The following L3MBTL4 variants were observed in gnomAD, a reference collection of about 807,000 sequenced individuals.
L3MBTL4 encodes the protein lethal(3)malignant brain tumor-like protein 4.
A neutral mutation model predicts 84.5 loss-of-function variants in L3MBTL4; 70 were observed. The observed-to-expected ratio is 0.83, with a 90% confidence interval of 0.68 to 1.01. The LOEUF is 1.01. Ranked by LOEUF, L3MBTL4 falls within the 50% of genes least tolerant of loss-of-function variation. The pLI is 0.00. For synonymous variants in L3MBTL4, 274 were observed against 259.8 expected (o/e 1.05, Z -0.52); for missense variants, 715 against 754.8 (o/e 0.95, Z 0.62).
chr18:6,370,790 C>A (rs771012460), intron 1 of L3MBTL4, among the ~76,000 whole-genome samples: 7 of 152,162 alleles, frequency 4.6e-5, no homozygotes, highest in Non-Finnish European at 1.0e-4. Context: ...GCACTGCCCC[C>A]ACCAAGCAAG....
At chr18:6,348,614 C>A (rs190727724) in intron 1 of L3MBTL4, among the ~76,000 whole-genome samples, 1 of 152,056 alleles carries the variant, frequency 6.6e-6, no homozygotes, top group African/African-American at 2.4e-5. Flanking sequence ...GAGAAAAAAA[C>A]AAAACTGGCA....
intron 13 of L3MBTL4, among the ~76,000 whole-genome samples, chr18:6,154,422 G>T (rs1187902059): frequency 6.6e-6 from 1 of 152,104 alleles, no homozygotes; most frequent in African/African-American, 2.4e-5. Context: ...AAGGGGGAAA[G>T]AAATGTACTC....
At chr18:5,989,890 G>T (rs4798425) in intron 16 of L3MBTL4, among the ~76,000 whole-genome samples, 25,592 of 152,152 alleles carry the variant, frequency 0.17, 3,280 homozygotes, top group African/African-American at 0.35. Flanking sequence ...CAAGTGCAGG[G>T]CTGGGCAGGC....
intron 14 of L3MBTL4, among the ~76,000 whole-genome samples, chr18:6,131,112 T>C (rs540562386): frequency 2.0e-5 from 3 of 152,336 alleles, no homozygotes; most frequent in Admixed American, 6.5e-5. Flanking sequence ...CAAAATAAGA[T>C]GCTGACAACT....
Position 6,370,014 on chromosome 18 carries a change from G to A in L3MBTL4, c.-91+44787C>T, listed in dbSNP as rs188380349. 2.0e-3 allele frequency among the ~76,000 whole-genome samples: 309 copies of A among 151,938 alleles called. 4 individuals carry two copies. The highest frequency in any genetic ancestry group is 1.8e-4 in the Non-Finnish European group (12 of 67,952). On this transcript the variant is annotated intron_variant, in intron 1 of 18. Transcript: ENST00000317931. The stretch of plus-strand genomic sequence containing the variant: ...CTGGCCATGGTGGCACGTGCCTGTA[G>A]TCTCAGCTACTTGGGAGGCTGAGGC...
In L3MBTL4 at chr18:5,954,774, G is replaced by A. The variant is rs2095217829; in HGVS notation, c.*1446C>T. The A allele has an allele frequency of 6.6e-6, 1 of 152,020 alleles. No individual in the cohort carries two copies. Among genetic ancestry groups the A allele is most frequent in the South Asian group, 2.1e-4 (1 of 4,796 alleles). 9.4% of individuals were successfully genotyped at this position (152,020 alleles called of 1,614,324 possible). A position where few individuals can be genotyped will look rare whatever the true frequency, so the allele number is the denominator to read the frequency against. On this transcript the variant is annotated 3_prime_UTR_variant, in exon 19 of 19. Transcript: ENST00000317931. ...ATATTAAAATTTTAACATGGCAGAAGCAGGAATTTTACTTGCACATGGCAG... is the reference window on the plus strand; with the variant it reads ...ATATTAAAATTTTAACATGGCAGAAACAGGAATTTTACTTGCACATGGCAG...
intron 16 of L3MBTL4, among the ~76,000 whole-genome samples, chr18:5,999,619 G>A (rs7241411): frequency 0.62 from 94,018 of 152,076 alleles, 29,884 homozygotes; most frequent in Non-Finnish European, 0.7. Flanking sequence ...AACAAACAAC[G>A]AAGAAAATAA....
intron 14 of L3MBTL4, among the ~76,000 whole-genome samples, chr18:6,109,175 A>T (rs1854445117): frequency 6.6e-6 from 1 of 152,182 alleles, no homozygotes; most frequent in Non-Finnish European, 1.5e-5. Flanking sequence ...TTCTCAATAG[A>T]TCACATGATC....
chr18:5,979,448 T>G, intron 16 of L3MBTL4, among the ~76,000 whole-genome samples: 1 of 152,178 alleles, frequency 6.6e-6, no homozygotes, highest in East Asian at 1.9e-4. Flanking sequence ...AACAAGCCTG[T>G]GCTGGGCCCC....
chr18:5,957,719 G>T (rs1426157528), intron 18 of L3MBTL4, among the ~76,000 whole-genome samples: 1 of 151,996 alleles, frequency 6.6e-6, no homozygotes, highest in Non-Finnish European at 1.5e-5. Flanking sequence ...ACTTTGGGAG[G>T]CCGAGGTGGG....
intron 10 of L3MBTL4, among the ~76,000 whole-genome samples, chr18:6,236,257 A>G (rs1267912540): frequency 6.6e-6 from 1 of 152,232 alleles, no homozygotes; most frequent in African/African-American, 2.4e-5. Flanking sequence ...AATGAAAAAG[A>G]ACTGAGGGAC....
At chr18:6,171,991 C>T (rs1248008525) in intron 12 of L3MBTL4, 49 bp from the exon 13 acceptor site, 1 of 869,456 alleles carries the variant, frequency 1.2e-6, no homozygotes, top group East Asian at 2.8e-5. Flanking sequence ...TAGGATTTCA[C>T]TATTCCTGTA....
intron 5 of L3MBTL4, among the ~76,000 whole-genome samples, chr18:6,247,061 T>G (rs1047982184): frequency 1.3e-5 from 2 of 152,232 alleles, no homozygotes; most frequent in Non-Finnish European, 1.5e-5. Context: ...CATATGTCTC[T>G]GTGAGCATAT....
rs766231156 is a variant in L3MBTL4 at position 6,311,594 on chromosome 18, T to C, written c.32A>G (p.Asn11Ser). ...ATCCAAACGCTCTTTGGAATCCATATTAAGCTTCCTTTTCCTGTTGGGCTG... is the reference window on the plus strand; with the variant it reads ...ATCCAAACGCTCTTTGGAATCCATACTAAGCTTCCTTTTCCTGTTGGGCTG... MKQPNRKRKL[N>S]MDSKERLDQD... The change falls in exon 3 of 19, where the codon AAT (asparagine) becomes AGT (serine). Residue 11 changes from asparagine (N) to serine (S), a missense_variant. Coordinates refer to ENST00000317931, the MANE Select transcript of L3MBTL4 (RefSeq NM_001330559.2). 46 of 1,613,596 alleles carry C rather than the reference T, an allele frequency of 2.9e-5. No homozygotes were observed. The African/African-American group carries it at 6.0e-4, about 21-fold the overall frequency.
chr18:6,261,379 T>C (rs1479571908), intron 5 of L3MBTL4, among the ~76,000 whole-genome samples: 1 of 152,180 alleles, frequency 6.6e-6, no homozygotes, highest in Non-Finnish European at 1.5e-5. Flanking sequence ...CTTTCAGAGA[T>C]GACAAATATT....
chr18:6,091,628 T>C (rs1282791231), intron 15 of L3MBTL4, among the ~76,000 whole-genome samples: 1 of 152,140 alleles, frequency 6.6e-6, no homozygotes, highest in Non-Finnish European at 1.5e-5. Flanking sequence ...AACAATTAGT[T>C]TAAAAGGCTA....
At chr18:6,032,793 G>A (rs903868386) in intron 16 of L3MBTL4, among the ~76,000 whole-genome samples, 9 of 152,128 alleles carry the variant, frequency 5.9e-5, no homozygotes, top group Admixed American at 5.9e-4. Flanking sequence ...CATATGAGTG[G>A]AATCATAAAG....
chr18:6,077,813 G>A (rs371667391), intron 16 of L3MBTL4, among the ~76,000 whole-genome samples: 1 of 148,874 alleles, frequency 6.7e-6, no homozygotes, highest in Admixed American at 6.7e-5. Context: ...AGTGGATCAC[G>A]AGGTCAGGAG....
Position 6,100,637 on chromosome 18 carries a change from G to A in L3MBTL4, c.1200-7109C>T, listed in dbSNP as rs542627157. Among the ~76,000 whole-genome samples the A allele has an allele frequency of 6.6e-5, 10 of 152,304 alleles. No individual in the cohort carries two copies. In the South Asian group the frequency reaches 1.0e-3, roughly 16 times the overall value. On this transcript the variant is annotated intron_variant, in intron 14 of 18. Transcript: ENST00000317931. ...TGATTGGCAGGCCTCCTTTCACACT[G>A]CTTCAGTAGGGGAAGGGGGGCACTT...
Sources: gnomAD v4.1 joint callset for allele counts (sites outside exome capture counted in the v4.1 genomes callset) on GRCh38, gnomAD v4.1.1 for gene constraint, MANE v1.5 for transcripts, NCBI Gene and HGNC (gene_info 2026-07-23, HGNC 2026-07-21) for gene names.